Variants in SLC45A4 observed in about 807,000 individuals in gnomAD.
The protein encoded by SLC45A4 is solute carrier family 45 member 4, also known as polyamine-transporter SLC45A4.
SLC45A4 carries 32 observed loss-of-function variants against 63.7 expected under a neutral mutation model. The ratio of observed to expected loss-of-function variants is 0.50; its 90% CI spans 0.38 to 0.67. SLC45A4 has a LOEUF of 0.67. SLC45A4 is among the 30% of genes least tolerant of loss of function. The probability of loss-of-function intolerance (pLI) is 0.00; values close to 1 mark genes in which losing one functional copy is unlikely to be tolerated. For missense variants in SLC45A4, 1,027 were observed against 1,157.7 expected (o/e 0.89, Z 1.64); for synonymous variants, 535 against 510.0 (o/e 1.05, Z -0.66).
intron 1 of SLC45A4, among the ~76,000 whole-genome samples, chr8:141,279,357 T>G (rs948524190): frequency 6.6e-6 from 1 of 152,266 alleles, no homozygotes; most frequent in Non-Finnish European, 1.5e-5. Context: ...GACAGACTCA[T>G]AGCTGACTTT....
At chr8:141,285,600 C>T (rs1037650907) in intron 1 of SLC45A4, among the ~76,000 whole-genome samples, 7 of 152,226 alleles carry the variant, frequency 4.6e-5, no homozygotes, top group African/African-American at 1.7e-4. Context: ...ACTGCACATC[C>T]ACGGCCACGT....
intron 1 of SLC45A4, among the ~76,000 whole-genome samples, chr8:141,301,266 C>T (rs1445694165): frequency 2.0e-5 from 3 of 152,162 alleles, no homozygotes; most frequent in African/African-American, 7.2e-5. Flanking sequence ...TTGAGACCTC[C>T]TTCCGGTGTA....
intron 2 of SLC45A4, chr8:141,252,204 C>T (rs577159050): frequency 6.6e-6 from 1 of 152,076 alleles, no homozygotes; most frequent in South Asian, 2.1e-4. Flanking sequence ...TTTAAAACTT[C>T]CTTAGGTCAT....
intron 2 of SLC45A4, among the ~76,000 whole-genome samples, chr8:141,248,989 G>A (rs2154614597): frequency 6.8e-6 from 1 of 146,510 alleles, no homozygotes; most frequent in South Asian, 2.1e-4. Flanking sequence ...TGGCACTCCA[G>A]CCTGGGTGAC....
intron 1 of SLC45A4, among the ~76,000 whole-genome samples, chr8:141,290,259 A>G (rs6578157): frequency 0.95 from 144,160 of 151,988 alleles, 68,852 homozygotes; most frequent in Middle Eastern, 1. Context: ...ACGTGCAGGT[A>G]TCTGACCCCA....
In SLC45A4 at chr8:141,257,940, C is replaced by T. The variant is rs1470327762; in HGVS notation, c.-400-3311G>A. On this transcript the variant is annotated intron_variant, in intron 1 of 8. Transcript: ENST00000517878. Reference sequence around the variant, plus strand: ...GCTTCACCCCTTGATTATTCCATTCCGAGTCCACCGACAAGACCAGACACT... The same window carrying T: ...GCTTCACCCCTTGATTATTCCATTCTGAGTCCACCGACAAGACCAGACACT... 2.6e-5 allele frequency among the ~76,000 whole-genome samples: 4 copies of T among 152,114 alleles called. No individual in the cohort carries two copies. In the East Asian group the frequency reaches 5.8e-4, roughly 22 times the overall value.
intron 2 of SLC45A4, among the ~76,000 whole-genome samples, chr8:141,223,057 T>C (rs1441492560): frequency 6.6e-6 from 1 of 152,190 alleles, no homozygotes; most frequent in African/African-American, 2.4e-5. Context: ...TTGAGAATAT[T>C]GTGTTGAGCT....
In SLC45A4 at chr8:141,241,182, G is replaced by A. The variant is rs146719036; in HGVS notation, c.241+12807C>T. Reference sequence around the variant, plus strand: ...GGAAATGTAGTGCATAACACACACAGCGTCACAAACGGCCAGGCTGCGGTG... The same window carrying A: ...GGAAATGTAGTGCATAACACACACAACGTCACAAACGGCCAGGCTGCGGTG... On this transcript the variant is annotated intron_variant, in intron 2 of 8. Transcript: ENST00000517878. 1.5e-3 allele frequency among the ~76,000 whole-genome samples: 225 copies of A among 152,388 alleles called. 6 individuals carry two copies. In the East Asian group the frequency reaches 0.034, roughly 23 times the overall value.
intron 1 of SLC45A4, among the ~76,000 whole-genome samples, chr8:141,284,772 A>C (rs1399277438): frequency 1.3e-5 from 2 of 152,118 alleles, no homozygotes; most frequent in Non-Finnish European, 2.9e-5. Flanking sequence ...CCCATGAAGA[A>C]GGACTGAAGG....
At chr8:141,212,595 A>G (rs1191543981) in intron 7 of SLC45A4, 39 bp from the exon 8 acceptor site, 2 of 1,553,890 alleles carry the variant, frequency 1.3e-6, no homozygotes, top group Non-Finnish European at 1.7e-6. Context: ...GCGGCTGGAG[A>G]AGGTGGCTGC....
intron 2 of SLC45A4, chr8:141,228,507 C>A: frequency 7.6e-7 from 1 of 1,320,062 alleles, no homozygotes; most frequent in Non-Finnish European, 9.7e-7. Flanking sequence ...AGGCACCTGT[C>A]TTCACTGGCC....
intron 3 of SLC45A4, among the ~76,000 whole-genome samples, chr8:141,220,951 C>T (rs1453460489): frequency 1.1e-4 from 17 of 152,234 alleles, no homozygotes; most frequent in Non-Finnish European, 1.5e-5. Context: ...GCGACGAAGC[C>T]CACCCCATGG....
intron 1 of SLC45A4, among the ~76,000 whole-genome samples, chr8:141,268,476 G>T (rs1829373340): frequency 1.3e-5 from 2 of 152,158 alleles, no homozygotes; most frequent in Admixed American, 1.3e-4. Flanking sequence ...GCCACTGCAG[G>T]CTCATCCACC....
chr8:141,235,348 C>T (rs1449380551), intron 2 of SLC45A4, among the ~76,000 whole-genome samples: 1 of 152,152 alleles, frequency 6.6e-6, no homozygotes, highest in East Asian at 1.9e-4. Context: ...CAACCCAGGG[C>T]ACAGCGGGTG....
intron 1 of SLC45A4, among the ~76,000 whole-genome samples, chr8:141,294,411 C>T (rs998301348): frequency 9.2e-5 from 14 of 152,232 alleles, no homozygotes; most frequent in Non-Finnish European, 1.6e-4. Context: ...GCAGCCCTGA[C>T]CCCAGCCCCC....
At chr8:141,307,927 G>A (rs1372114522) in intron 1 of SLC45A4, among the ~76,000 whole-genome samples, 169 bp downstream of exon 1, 1 of 147,836 alleles carries the variant, frequency 6.8e-6, no homozygotes, top group African/African-American at 2.5e-5. Context: ...CCGGGTGGGG[G>A]CACGTCCCCT....
chr8:141,220,046 G>A (rs1382877442), intron 3 of SLC45A4, among the ~76,000 whole-genome samples: 7 of 152,226 alleles, frequency 4.6e-5, no homozygotes, highest in South Asian at 2.1e-4. Context: ...TTTTCTCCCC[G>A]TTCGGTTAGC....
rs547557642 is a variant in SLC45A4, at chr8:141,227,321, G to T, written c.242-5556C>A. Among the ~76,000 whole-genome samples, 4 of 152,258 alleles carry T rather than the reference G, an allele frequency of 2.6e-5. No homozygotes were observed. Among genetic ancestry groups the T allele is most frequent in the Admixed American group, 2.6e-4 (4 of 15,306 alleles). On this transcript the variant is annotated intron_variant, in intron 2 of 8. Coordinates refer to ENST00000517878, the MANE Select transcript of SLC45A4 (RefSeq NM_001286646.2). The surrounding 1 kb of genome is among the most constrained non-coding windows in gnomAD (Gnocchi z 4.4). ...GACTTTCTGGTGAGGGGAGACTGGC[G>T]GGGGGTGGGGAGGGCAAGGAGTGGG...
At chr8:141,212,679 G>A (rs1179592690) in intron 7 of SLC45A4, 123 bp from the exon 8 acceptor site, 2 of 1,218,086 alleles carry the variant, frequency 1.6e-6, no homozygotes, top group Non-Finnish European at 2.2e-6. Context: ...GAGTCTCTTG[G>A]CAACCACTCC....
Sources: allele counts gnomAD v4.1 joint callset (sites outside exome capture counted in the v4.1 genomes callset), GRCh38; gene constraint gnomAD v4.1.1; non-coding constraint Gnocchi (gnomAD v3.1); transcripts MANE v1.5; gene names NCBI Gene and HGNC (gene_info 2026-07-23, HGNC 2026-07-21).